The following EVI5 variants were observed in gnomAD, a reference collection of about 807,000 sequenced individuals.
EVI5 encodes ecotropic viral integration site 5.
EVI5 carries 73 observed loss-of-function variants against 112.0 expected under a neutral mutation model. The observed-to-expected ratio is 0.65, with a 90% CI of 0.54 to 0.79. EVI5 has a LOEUF of 0.79. EVI5 is among the 30% of genes least tolerant of loss of function. The pLI, the probability that EVI5 is intolerant of heterozygous loss-of-function variation, is 0.00. For synonymous variants in EVI5, 305 were observed against 319.9 expected (o/e 0.95, Z 0.50); for missense variants, 900 against 968.8 (o/e 0.93, Z 0.94).
chr1:92,739,273 C>CAA (rs72016918), intron 1 of EVI5, among the ~76,000 whole-genome samples: 16,751 of 76,450 alleles, frequency 0.22, 3,478 homozygotes, highest in Non-Finnish European at 0.26. Context: ...AACTCCGTCT[C>CAA]AAAAAAAAAA....
intron 18 of EVI5, among the ~76,000 whole-genome samples, chr1:92,590,344 G>A (rs1384283997): frequency 2.0e-5 from 3 of 152,114 alleles, no homozygotes; most frequent in Non-Finnish European, 2.9e-5. Context: ...TCGAACCCAT[G>A]GCAAAGAAGT....
intron 16 of EVI5, among the ~76,000 whole-genome samples, chr1:92,617,357 C>A (rs1571911142): frequency 6.6e-6 from 1 of 152,042 alleles, no homozygotes; most frequent in East Asian, 1.9e-4. Flanking sequence ...AAATTGGTGA[C>A]AAAGAAATTT....
chr1:92,532,199 T>C (rs989952770), intron 19 of EVI5, among the ~76,000 whole-genome samples: 3 of 152,196 alleles, frequency 2.0e-5, no homozygotes, highest in African/African-American at 7.2e-5. Context: ...AGGCATTACA[T>C]AATGGTAAAG....
intron 10 of EVI5, among the ~76,000 whole-genome samples, chr1:92,675,029 T>A (rs1666488641): frequency 6.6e-6 from 1 of 152,160 alleles, no homozygotes. Context: ...ATATATTTCC[T>A]CAAAAAACAA....
At chr1:92,768,705 T>C (rs1011326071) in intron 1 of EVI5, among the ~76,000 whole-genome samples, 22 of 152,150 alleles carry the variant, frequency 1.4e-4, no homozygotes, top group African/African-American at 5.3e-4. Flanking sequence ...TGAAGCCCCA[T>C]CTCTACAAAA....
At chr1:92,669,559 A>AAAAAAAAAAAAAAAAAAAAAAAAAAC (rs1665510373) in intron 10 of EVI5, among the ~76,000 whole-genome samples, 1 of 150,422 alleles carries the variant, frequency 6.6e-6, no homozygotes, top group Non-Finnish European at 1.5e-5. Context: ...AAAAAAAAAA[A>AAAAAAAAAAAAAAAAAAAAAAAAAAC]AATCACTGGG....
chr1:92,607,441 C>A lies in EVI5; in HGVS notation c.1974+140G>T, dbSNP rs945643506. The A allele has an allele frequency of 1.9e-5, 11 of 584,028 alleles. No homozygotes were observed. The African/African-American group carries it at 2.0e-4, about 10-fold the overall frequency. The allele number at this position is 584,028 out of a possible 1,614,324, so 36.2% of individuals were successfully genotyped here. On this transcript the variant is annotated intron_variant, in intron 17 of 19. Coordinates refer to ENST00000684568, the MANE Select transcript of EVI5 (RefSeq NM_001350197.2). ...AGCTGACCTGGTCTGAAAGCAACTACCAAAACAAGTTCAGGAAAAGTAGAA... is the reference window on the plus strand; with the variant it reads ...AGCTGACCTGGTCTGAAAGCAACTAACAAAACAAGTTCAGGAAAAGTAGAA...
chr1:92,604,210 A>ATAAG (rs1329439094), intron 18 of EVI5, among the ~76,000 whole-genome samples: 1 of 151,546 alleles, frequency 6.6e-6, no homozygotes, highest in Non-Finnish European at 1.5e-5. Flanking sequence ...AAATAAATAA[A>ATAAG]TAAGCTGGGT....
intron 16 of EVI5, among the ~76,000 whole-genome samples, chr1:92,620,569 A>G (rs1654319790): frequency 6.6e-6 from 1 of 152,154 alleles, no homozygotes; most frequent in Admixed American, 6.5e-5. Context: ...TAAGAATTAC[A>G]ACAGAATCCT....
chr1:92,515,521 T>C (rs1394075691), intron 19 of EVI5, among the ~76,000 whole-genome samples: 4 of 152,164 alleles, frequency 2.6e-5, no homozygotes, highest in Non-Finnish European at 5.9e-5. Flanking sequence ...AATTTTCTCC[T>C]ACAATAAAGT....
chr1:92,547,514 G>A (rs1462553881), intron 19 of EVI5, among the ~76,000 whole-genome samples: 1 of 152,158 alleles, frequency 6.6e-6, no homozygotes, highest in African/African-American at 2.4e-5. Flanking sequence ...AGAACTGAAG[G>A]AGATAGAGAC....
chr1:92,630,354 A>G (rs1442119254), intron 14 of EVI5, among the ~76,000 whole-genome samples: 1 of 152,086 alleles, frequency 6.6e-6, no homozygotes, highest in Non-Finnish European at 1.5e-5. Context: ...TTTAATGATC[A>G]CCATTCTAAC....
At chr1:92,705,143 C>T (rs568123891) in intron 2 of EVI5, among the ~76,000 whole-genome samples, 259 of 152,248 alleles carry the variant, frequency 1.7e-3, no homozygotes, top group Non-Finnish European at 2.8e-3. Flanking sequence ...TACAATGTGT[C>T]TAAGGCTTAA....
Position 92,640,749 on chromosome 1 carries a change from A to G in EVI5, c.1393-4413T>C, listed in dbSNP as rs181342722. Among the ~76,000 whole-genome samples the G allele has an allele frequency of 1.8e-3, 273 of 152,314 alleles. 2 individuals carry two copies. The highest frequency in any genetic ancestry group is 6.4e-3 in the African/African-American group (264 of 41,564). ...ACCAGGCATATACCCAAAAGAATACAAATCATTCTACTATAAAGACACATA... is the reference window on the plus strand; with the variant it reads ...ACCAGGCATATACCCAAAAGAATACGAATCATTCTACTATAAAGACACATA... On this transcript the variant is annotated intron_variant, in intron 13 of 19. Transcript: ENST00000684568.
rs556977130 is a variant in EVI5 at position 92,724,686 on chromosome 1, T to C, written c.149+11712A>G. ...AGCTGGGCATAGTGGCACACACCTATAGTCCCAGCTACTCGGGAGGCAGAG... is the reference window on the plus strand; with the variant it reads ...AGCTGGGCATAGTGGCACACACCTACAGTCCCAGCTACTCGGGAGGCAGAG... On this transcript the variant is annotated intron_variant, in intron 2 of 19. Coordinates refer to ENST00000684568, the MANE Select transcript of EVI5 (RefSeq NM_001350197.2). Among the ~76,000 whole-genome samples, 19 of 152,112 alleles carry C rather than the reference T, an allele frequency of 1.2e-4. No homozygotes were observed. The South Asian group carries it at 1.9e-3, about 15-fold the overall frequency.
chr1:92,670,623 T>G (rs1263873553), intron 10 of EVI5, among the ~76,000 whole-genome samples: 3 of 152,218 alleles, frequency 2.0e-5, no homozygotes, highest in African/African-American at 7.2e-5. Context: ...TTATTTAAAT[T>G]ACTGATCACT....
rs1475222472 is a variant in EVI5, at chr1:92,575,174, C to T, written c.2071-11437G>A. ...GAGCAGAAATAATAGTACAATGACA[C>T]CCATATACCCTTCAGCTATATTCAC... On this transcript the variant is annotated intron_variant, in intron 18 of 19. Transcript: ENST00000684568. Among the ~76,000 whole-genome samples, 2 of 152,178 alleles carry T rather than the reference C, an allele frequency of 1.3e-5. 1 individual carries two copies. The highest frequency in any genetic ancestry group is 3.8e-4 in the East Asian group (2 of 5,206).
intron 1 of EVI5, among the ~76,000 whole-genome samples, chr1:92,737,823 G>A (rs1187116305): frequency 6.6e-6 from 1 of 152,224 alleles, no homozygotes; most frequent in Non-Finnish European, 1.5e-5. Flanking sequence ...CTTAACCTGA[G>A]GATGGAGCAT....
chr1:92,694,264 CAA>C (rs747110217), intron 8 of EVI5, 33 bp downstream of exon 8: 3,647 of 1,025,394 alleles, frequency 3.6e-3, no homozygotes, highest in South Asian at 5.1e-3. Context: ...AACTCTGTCT[CAA>C]AAAAAAAAAA....
Sources: gnomAD v4.1 joint callset for allele counts (sites outside exome capture counted in the v4.1 genomes callset) on GRCh38, gnomAD v4.1.1 for gene constraint, MANE v1.5 for transcripts, NCBI Gene and HGNC (gene_info 2026-07-23, HGNC 2026-07-21) for gene names.